Variants in ZFP91 observed in about 807,000 individuals in gnomAD.
ZFP91 encodes ZFP91 zinc finger protein, atypical E3 ubiquitin ligase, also known as E3 ubiquitin-protein ligase ZFP91.
In ZFP91, 7 loss-of-function variants were observed where a neutral mutation model predicts 63.5. The observed-to-expected ratio is 0.11, with a 90% CI of 0.06 to 0.21. The LOEUF is 0.21. Among genes scored for constraint, ZFP91 ranks in the 10% least tolerant of loss-of-function variants. ZFP91 has a pLI of 1.00. For missense variants in ZFP91, 628 were observed against 736.6 expected (o/e 0.85, Z 1.71); for synonymous variants, 330 against 272.1 (o/e 1.21, Z -2.10).
At chr11:58,598,809 CAAA>C in intron 2 of ZFP91, among the ~76,000 whole-genome samples, 1 of 147,862 alleles carries the variant, frequency 6.8e-6, no homozygotes, top group South Asian at 2.1e-4. Context: ...ATTCACATAA[CAAA>C]AAAATAGTAA....
intron 2 of ZFP91, among the ~76,000 whole-genome samples, chr11:58,591,623 C>G (rs968348708): frequency 1.3e-5 from 2 of 152,114 alleles, no homozygotes; most frequent in African/African-American, 4.8e-5. Context: ...CCTAGGCAAC[C>G]ATTAATCTAC....
chr11:58,604,180 T>C (rs1043611636), intron 2 of ZFP91, among the ~76,000 whole-genome samples: 1 of 152,190 alleles, frequency 6.6e-6, no homozygotes, highest in Non-Finnish European at 1.5e-5. Context: ...TATGAACTTA[T>C]TTGGAAATAG....
chr11:58,588,109 G>A (rs1017147723), intron 2 of ZFP91, among the ~76,000 whole-genome samples: 2 of 152,080 alleles, frequency 1.3e-5, no homozygotes. Flanking sequence ...CGTAAAACTG[G>A]AGTTTACAGA....
chr11:58,585,018 A>G (rs1855181592), intron 2 of ZFP91, 134 bp downstream of exon 2: 1 of 647,838 alleles, frequency 1.5e-6, no homozygotes. Context: ...GGAGTTAGAA[A>G]ATATTTAGAC....
chr11:58,595,860 C>G (rs1426598408), intron 2 of ZFP91, among the ~76,000 whole-genome samples: 1 of 152,038 alleles, frequency 6.6e-6, no homozygotes, highest in Non-Finnish European at 1.5e-5. Flanking sequence ...TAGGCTTGAG[C>G]CAGCACGCCT....
At chr11:58,597,053 T>C (rs986174686) in intron 2 of ZFP91, among the ~76,000 whole-genome samples, 4 of 152,146 alleles carry the variant, frequency 2.6e-5, no homozygotes, top group Admixed American at 2.6e-4. Context: ...CCAGGGGCAT[T>C]GTCCAATATC....
At chr11:58,594,192 G>A (rs925764546) in intron 2 of ZFP91, among the ~76,000 whole-genome samples, 17 of 152,076 alleles carry the variant, frequency 1.1e-4, no homozygotes, top group Admixed American at 4.6e-4. Flanking sequence ...ATGCCTCCTC[G>A]GCATGATAAA....
chr11:58,607,466 A>G (rs1293370049), intron 2 of ZFP91, among the ~76,000 whole-genome samples: 1 of 151,984 alleles, frequency 6.6e-6, no homozygotes, highest in Non-Finnish European at 1.5e-5. Flanking sequence ...TTAATGTTTT[A>G]TTTTTTATTT....
At chr11:58,581,541 A>G (rs1000913238) in intron 1 of ZFP91, among the ~76,000 whole-genome samples, 1 of 152,216 alleles carries the variant, frequency 6.6e-6, no homozygotes, top group Non-Finnish European at 1.5e-5. Context: ...TTGTAATTTT[A>G]GTAGAGGTGA....
chr11:58,594,523 G>C (rs966054299), intron 2 of ZFP91, among the ~76,000 whole-genome samples: 1 of 152,154 alleles, frequency 6.6e-6, no homozygotes, highest in Non-Finnish European at 1.5e-5. Flanking sequence ...CCTATACTTT[G>C]AACTTTGATG....
At chr11:58,614,138 T>G in intron 8 of ZFP91, 91 bp from the exon 9 acceptor site, 1 of 733,052 alleles carries the variant, frequency 1.4e-6, no homozygotes, top group Non-Finnish European at 2.2e-6. Flanking sequence ...AGTATTTGGT[T>G]TTCCTTCAGT....
chr11:58,581,628 T>C (rs1303392937), intron 1 of ZFP91, among the ~76,000 whole-genome samples: 1 of 152,046 alleles, frequency 6.6e-6, no homozygotes, highest in East Asian at 1.9e-4. Flanking sequence ...CCCAAAGTGC[T>C]GGGATTACAG....
In ZFP91 at chr11:58,579,628, T is replaced by C; in HGVS notation, c.341+6T>C. The C allele has an allele frequency of 6.4e-7, 1 of 1,553,888 alleles. No individual in the cohort carries two copies. Among genetic ancestry groups the C allele is most frequent in the Non-Finnish European group, 8.6e-7 (1 of 1,156,678 alleles). ...AAGAAGAGTCCGCGACTCCTGTGAG[T>C]AACAGTCTTTCAGGCGGTGGGAAAG... On this transcript the variant is annotated splice_donor_region_variant and intron_variant, in intron 1 of 10. Coordinates refer to ENST00000316059, the MANE Select transcript of ZFP91 (RefSeq NM_053023.5).
Position 58,618,775 on chromosome 11 carries a change from A to G in ZFP91, c.*1069A>G. The G allele has an allele frequency of 6.7e-6, 3 of 444,512 alleles. No homozygotes were observed. Among genetic ancestry groups the G allele is most frequent in the Non-Finnish European group, 9.0e-6 (2 of 223,430 alleles). The allele number at this position is 444,512 out of a possible 1,614,324, so 27.5% of individuals were successfully genotyped here. ...GGTCCTCAGCACTAACAAAATCACT[A>G]CAATAGCCTAGTGCTTTTTTGGAAG... On this transcript the variant is annotated 3_prime_UTR_variant, in exon 11 of 11. Transcript: ENST00000316059.
At chr11:58,584,019 G>A (rs17152750) in intron 1 of ZFP91, among the ~76,000 whole-genome samples, 4,551 of 151,944 alleles carry the variant, frequency 0.03, 229 homozygotes, top group African/African-American at 0.1. Flanking sequence ...AGTAAGTATA[G>A]GAAGTTCATT....
rs577196630 is a variant in ZFP91 at position 58,610,145 on chromosome 11, A to T, written c.580+106A>T. The stretch of plus-strand genomic sequence containing the variant: ...AGCTTAACTGTCAGGGGCAGGTTTG[A>T]TGGTGTAGGTGGTATTTCTTTGAAC... On this transcript the variant is annotated intron_variant, in intron 3 of 10. Transcript: ENST00000316059. 2.8e-4 allele frequency: 407 copies of T among 1,448,082 alleles called. 2 individuals carry two copies. Among genetic ancestry groups the T allele is most frequent in the Middle Eastern group, 2.2e-3 (12 of 5,442 alleles). The allele number at this position is 1,448,082 out of a possible 1,614,324, so 89.7% of individuals were successfully genotyped here.
chr11:58,609,711 GT>G (rs1192907905), intron 2 of ZFP91, 118 bp from the exon 3 acceptor site: 12 of 911,654 alleles, frequency 1.3e-5, no homozygotes, highest in South Asian at 1.8e-5. Context: ...AAAGTCTTCA[GT>G]TTTTTTTCCT....
intron 2 of ZFP91, among the ~76,000 whole-genome samples, chr11:58,599,863 A>G (rs952267302): frequency 1.3e-5 from 2 of 151,976 alleles, no homozygotes; most frequent in African/African-American, 4.8e-5. Context: ...TAATTTTTAT[A>G]TATGGTATAA....
chr11:58,609,089 T>A (rs1855614928), intron 2 of ZFP91, among the ~76,000 whole-genome samples: 1 of 152,212 alleles, frequency 6.6e-6, no homozygotes, highest in African/African-American at 2.4e-5. Context: ...TACTTTTTTT[T>A]TATATAGGTC....
Sources: gnomAD v4.1 joint callset for allele counts (sites outside exome capture counted in the v4.1 genomes callset) on GRCh38, gnomAD v4.1.1 for gene constraint, MANE v1.5 for transcripts, NCBI Gene and HGNC (gene_info 2026-07-23, HGNC 2026-07-21) for gene names.